PTPRD: variants seen among roughly 807,000 people sequenced by gnomAD.
The protein encoded by PTPRD is receptor-type tyrosine-protein phosphatase delta.
A neutral mutation model predicts 214.5 loss-of-function variants in PTPRD; 34 were observed. The ratio of observed to expected loss-of-function variants is 0.16; its 90% CI spans 0.12 to 0.21. The LOEUF is 0.21. Ranked by LOEUF, PTPRD falls within the 10% of genes least tolerant of loss-of-function variation. The pLI, the probability that PTPRD is intolerant of heterozygous loss-of-function variation, is 1.00. For missense variants in PTPRD, 2,545 were observed against 2,398.7 expected, an observed-to-expected ratio of 1.06 and a Z score of -1.27; for synonymous variants, 1,128 against 845.7, an observed-to-expected ratio of 1.33 and a Z score of -5.79.
intron 3 of PTPRD, among the ~76,000 whole-genome samples, chr9:10,321,772 C>T (rs1449316707): frequency 6.6e-6 from 1 of 152,000 alleles, no homozygotes; most frequent in Non-Finnish European, 1.5e-5. Context: ...AATTAAGAAA[C>T]AGCTGATTAG....
intron 9 of PTPRD, among the ~76,000 whole-genome samples, chr9:9,304,957 G>A (rs1956658302): frequency 6.8e-6 from 1 of 146,798 alleles, no homozygotes; most frequent in East Asian, 2.0e-4. Context: ...CACAGGATGG[G>A]AGTCTGTAAT....
intron 12 of PTPRD, among the ~76,000 whole-genome samples, chr9:8,646,516 T>G (rs1037384145): frequency 6.6e-6 from 1 of 152,166 alleles, no homozygotes; most frequent in Non-Finnish European, 1.5e-5. Flanking sequence ...TCTCGATGCC[T>G]CAGTACAGGC....
intron 33 of PTPRD, among the ~76,000 whole-genome samples, chr9:8,459,400 T>A (rs2096313610): frequency 6.6e-6 from 1 of 152,056 alleles, no homozygotes; most frequent in South Asian, 2.1e-4. Flanking sequence ...GATTAAAGTT[T>A]TGTGAAAATA....
intron 14 of PTPRD, among the ~76,000 whole-genome samples, chr9:8,589,302 C>T (rs977046021): frequency 1.3e-5 from 2 of 152,252 alleles, no homozygotes; most frequent in East Asian, 3.9e-4. Flanking sequence ...CCGATAAACA[C>T]TAAAAGTCAC....
At chr9:9,026,701 T>A (rs1464797494) in intron 10 of PTPRD, among the ~76,000 whole-genome samples, 2 of 152,004 alleles carry the variant, frequency 1.3e-5, no homozygotes, top group Non-Finnish European at 2.9e-5. Context: ...ACATTAATGC[T>A]GAAGAAGCAT....
At chr9:8,621,640 A>ATCT (rs1345209536) in intron 14 of PTPRD, among the ~76,000 whole-genome samples, 128 of 151,910 alleles carry the variant, frequency 8.4e-4, no homozygotes, top group Non-Finnish European at 1.7e-3. Flanking sequence ...AGGGAATTCC[A>ATCT]TTTGCTATTG....
intron 10 of PTPRD, among the ~76,000 whole-genome samples, chr9:9,182,528 GA>G (rs1362687445): frequency 6.6e-6 from 1 of 151,952 alleles, no homozygotes; most frequent in Non-Finnish European, 1.5e-5. Flanking sequence ...CAAGCCAACA[GA>G]TCAAATATCT....
chr9:10,360,639 T>C (rs1327288279), intron 2 of PTPRD, among the ~76,000 whole-genome samples: 2 of 152,234 alleles, frequency 1.3e-5, no homozygotes, highest in Non-Finnish European at 1.5e-5. Context: ...TCTAATATTT[T>C]TTTGAATCCC....
At chr9:9,071,552 T>A (rs2099743779) in intron 10 of PTPRD, among the ~76,000 whole-genome samples, 1 of 152,148 alleles carries the variant, frequency 6.6e-6, no homozygotes, top group African/African-American at 2.4e-5. Flanking sequence ...GAACTATGGA[T>A]GGCCTCTGGT....
chr9:9,236,294 T>G (rs988282110), intron 9 of PTPRD, among the ~76,000 whole-genome samples: 1 of 152,046 alleles, frequency 6.6e-6, no homozygotes, highest in Non-Finnish European at 1.5e-5. Flanking sequence ...ACAAAATTAT[T>G]TGAGAGAGCT....
chr9:9,012,600 T>C (rs956138170), intron 11 of PTPRD, among the ~76,000 whole-genome samples: 6 of 152,186 alleles, frequency 3.9e-5, no homozygotes, highest in Non-Finnish European at 8.8e-5. Context: ...CTATTTGCAA[T>C]GTCTAATGAC....
chr9:9,707,530 T>C (rs544900476), intron 7 of PTPRD, among the ~76,000 whole-genome samples: 1 of 152,258 alleles, frequency 6.6e-6, no homozygotes, highest in African/African-American at 2.4e-5. Flanking sequence ...GCATACTCAC[T>C]GGAATAACAG....
At chr9:8,324,319 C>A (rs1831411203) in intron 44 of PTPRD, among the ~76,000 whole-genome samples, 2 of 152,066 alleles carry the variant, frequency 1.3e-5, no homozygotes, top group Non-Finnish European at 2.9e-5. Flanking sequence ...TCTCACTATT[C>A]CACTCCCACT....
chr9:9,931,427 T>A (rs1297849919), intron 5 of PTPRD, among the ~76,000 whole-genome samples: 4 of 152,158 alleles, frequency 2.6e-5, no homozygotes, highest in Admixed American at 2.0e-4. Flanking sequence ...GTGCAAGGTG[T>A]CAGGGAGTTC....
intron 6 of PTPRD, among the ~76,000 whole-genome samples, chr9:9,762,136 C>A (rs773372589): frequency 1.3e-5 from 2 of 152,178 alleles, no homozygotes; most frequent in Non-Finnish European, 2.9e-5. Flanking sequence ...AGGCTCTGAA[C>A]AGAGGTTGTC....
chr9:8,529,682 G>C (rs1340047970), intron 14 of PTPRD, among the ~76,000 whole-genome samples: 2 of 152,118 alleles, frequency 1.3e-5, no homozygotes, highest in Non-Finnish European at 2.9e-5. Context: ...GACATTGCCA[G>C]CTCTTCTAGC....
rs1221771008 is a variant in PTPRD at position 8,331,920 on chromosome 9, T to A, written c.5380-184A>T. On this transcript the variant is annotated intron_variant, in intron 43 of 45. Coordinates refer to ENST00000381196, the MANE Select transcript of PTPRD (RefSeq NM_002839.4). ...GCTATAAATATTGTCCACACTCACA[T>A]ACCTTTAAATCCTAAATTTATTTAC... 3.3e-5 allele frequency among the ~76,000 whole-genome samples: 5 copies of A among 150,674 alleles called. No individual in the cohort carries two copies. The East Asian group carries it at 7.8e-4, about 24-fold the overall frequency.
intron 2 of PTPRD, among the ~76,000 whole-genome samples, chr9:10,557,812 G>A (rs1305259064): frequency 2.0e-5 from 3 of 152,122 alleles, no homozygotes; most frequent in Non-Finnish European, 4.4e-5. Context: ...CAGAAGAAGT[G>A]TTTCAGACTT....
chr9:9,862,270 T>C (rs1362987672), intron 5 of PTPRD, among the ~76,000 whole-genome samples: 7 of 149,520 alleles, frequency 4.7e-5, no homozygotes, highest in Non-Finnish European at 1.0e-4. Context: ...ACAAAACAAA[T>C]TGCTATAAAT....
Sources: gnomAD v4.1 joint callset for allele counts (sites outside exome capture counted in the v4.1 genomes callset) on GRCh38, gnomAD v4.1.1 for gene constraint, MANE v1.5 for transcripts, NCBI Gene and HGNC (gene_info 2026-07-23, HGNC 2026-07-21) for gene names.